Variants in SLC27A2 observed in about 807,000 individuals in gnomAD.
The protein encoded by SLC27A2 is long-chain fatty acid transport protein 2.
SLC27A2 carries 54 observed loss-of-function variants against 60.0 expected under a neutral mutation model. That is an observed-to-expected ratio of 0.90 (90% CI 0.72 to 1.13). SLC27A2 has a LOEUF of 1.13. Ranked by LOEUF, SLC27A2 falls within the 50% of genes most tolerant of loss-of-function variation. The pLI is 0.00. For synonymous variants in SLC27A2, 297 were observed against 297.6 expected (o/e 1.00, Z 0.02); for missense variants, 739 against 777.6 (o/e 0.95, Z 0.59).
chr15:50,198,385 T>C (rs1447610718), intron 2 of SLC27A2: 1 of 151,996 alleles, frequency 6.6e-6, no homozygotes, highest in Admixed American at 6.6e-5. Context: ...CAACATTTGT[T>C]GATAAGATTC....
intron 4 of SLC27A2, among the ~76,000 whole-genome samples, chr15:50,217,829 G>A (rs1428511783): frequency 1.3e-5 from 2 of 152,112 alleles, no homozygotes; most frequent in Non-Finnish European, 2.9e-5. Context: ...GCTGAGGTGG[G>A]CGGATCACAA....
intron 1 of SLC27A2, 113 bp downstream of exon 1, chr15:50,183,018 G>C: frequency 9.1e-7 from 1 of 1,098,252 alleles, no homozygotes; most frequent in Non-Finnish European, 1.3e-6. Flanking sequence ...GGAACTGTAG[G>C]TATAGAAAAA....
At position 50,229,122 on chromosome 15, in the gene SLC27A2, C is replaced by T. The variant is rs952607098; in HGVS notation, c.1555+80C>T. ...GGCCTCAAGGCGAAGTTTGTCATTG[C>T]TTTCTCCCGCCATCCAGAGTTAAAC... On this transcript the variant is annotated intron_variant, in intron 8 of 9. Transcript: ENST00000267842. 7 of 857,700 alleles carry T rather than the reference C, an allele frequency of 8.2e-6. No homozygotes were observed. The African/African-American group carries it at 1.0e-4, about 12-fold the overall frequency. 53.1% of individuals were successfully genotyped at this position (857,700 alleles called of 1,614,324 possible).
chr15:50,215,467 A>G (rs369733444), intron 4 of SLC27A2, among the ~76,000 whole-genome samples: 5 of 152,306 alleles, frequency 3.3e-5, no homozygotes, highest in Admixed American at 2.6e-4. Flanking sequence ...AGAAAATTCT[A>G]AAATTCATAT....
chr15:50,230,882 G>A (rs1354846040), intron 8 of SLC27A2, among the ~76,000 whole-genome samples: 1 of 152,178 alleles, frequency 6.6e-6, no homozygotes, highest in Non-Finnish European at 1.5e-5. Context: ...CTAGCCTAGT[G>A]TTCCTCAAAG....
At chr15:50,205,180 T>A in intron 3 of SLC27A2, 59 bp from the exon 4 acceptor site, 1 of 1,558,416 alleles carries the variant, frequency 6.4e-7, no homozygotes, top group Non-Finnish European at 8.7e-7. Context: ...AAATTAAACA[T>A]AACTGGGAGA....
intron 4 of SLC27A2, among the ~76,000 whole-genome samples, chr15:50,215,694 A>G (rs2045190106): frequency 1.3e-5 from 2 of 152,176 alleles, no homozygotes; most frequent in Admixed American, 6.5e-5. Context: ...TGACAAAGTA[A>G]ACAAAATCAT....
chr15:50,205,398 T>C (rs367930653), intron 4 of SLC27A2, 35 bp downstream of exon 4: 173 of 1,575,884 alleles, frequency 1.1e-4, no homozygotes, highest in Non-Finnish European at 1.4e-4. Flanking sequence ...CATTTTGAAA[T>C]GGGTAAGATG....
intron 1 of SLC27A2, among the ~76,000 whole-genome samples, chr15:50,191,522 A>G (rs983707830): frequency 2.0e-5 from 3 of 152,138 alleles, no homozygotes; most frequent in African/African-American, 7.2e-5. Context: ...GGATTAGAGG[A>G]TCTGCTGAGG....
intron 4 of SLC27A2, among the ~76,000 whole-genome samples, chr15:50,218,299 T>A (rs1376950037): frequency 1.3e-5 from 2 of 151,954 alleles, no homozygotes; most frequent in Non-Finnish European, 2.9e-5. Context: ...TTGATGGTCA[T>A]AAAGGGAGAG....
chr15:50,194,432 G>A (rs2044998104), intron 1 of SLC27A2, among the ~76,000 whole-genome samples: 1 of 152,136 alleles, frequency 6.6e-6, no homozygotes, highest in African/African-American at 2.4e-5. Context: ...AGAGGAAAGA[G>A]GGCAAGAGGT....
At chr15:50,221,346 C>T (rs1382734997) in intron 4 of SLC27A2, among the ~76,000 whole-genome samples, 1 of 152,150 alleles carries the variant, frequency 6.6e-6, no homozygotes, top group Non-Finnish European at 1.5e-5. Flanking sequence ...TCTCTTGACA[C>T]ATTTCCTCCT....
rs2045353110 is a variant in SLC27A2 at position 50,236,360 on chromosome 15, T to G, written c.*264T>G. 6.3e-6 allele frequency: 2 copies of G among 316,298 alleles called. No homozygotes were observed. The highest frequency in any genetic ancestry group is 4.8e-5 in the Admixed American group (1 of 21,036). 19.6% of individuals were successfully genotyped at this position (316,298 alleles called of 1,614,324 possible). A position where few individuals can be genotyped will look rare whatever the true frequency, so the allele number is the denominator to read the frequency against. ...AGGCATTATTTTTTAAAATACTTAG[T>G]AAATTAAATGAACACCAACATGTGA... is the stretch of plus-strand genomic sequence containing the variant. On this transcript the variant is annotated 3_prime_UTR_variant, in exon 10 of 10. Coordinates refer to ENST00000267842, the MANE Select transcript of SLC27A2 (RefSeq NM_003645.4).
chr15:50,232,084 T>C (rs1183655833), intron 8 of SLC27A2, among the ~76,000 whole-genome samples: 1 of 152,188 alleles, frequency 6.6e-6, no homozygotes, highest in East Asian at 1.9e-4. Flanking sequence ...TGGCCCCCCA[T>C]CCACAGAGGC....
At chr15:50,222,020 AAAAT>A (rs2045246073) in intron 4 of SLC27A2, 1 of 152,256 alleles carries the variant, frequency 6.6e-6, no homozygotes, top group Admixed American at 6.5e-5. Flanking sequence ...ATAATAAAAT[AAAAT>A]AAATAAAACC....
intron 1 of SLC27A2, 117 bp from the exon 2 acceptor site, chr15:50,197,383 C>A: frequency 1.5e-6 from 1 of 662,684 alleles, no homozygotes; most frequent in Non-Finnish European, 2.6e-6. Flanking sequence ...ATTTGTCATG[C>A]CCACACATTT....
chr15:50,216,727 C>A (rs1352554298), intron 4 of SLC27A2, among the ~76,000 whole-genome samples: 2 of 138,196 alleles, frequency 1.4e-5, no homozygotes, highest in Middle Eastern at 3.9e-3. Context: ...TTTGGCTATG[C>A]GGGCTCTTTT....
In SLC27A2 at chr15:50,199,560, G is replaced by A. The variant is rs560244807; in HGVS notation, c.688+1851G>A. Among the ~76,000 whole-genome samples, 46 of 151,758 alleles carry A rather than the reference G, an allele frequency of 3.0e-4. 1 individual carries two copies. In the South Asian group the frequency reaches 9.0e-3, roughly 30 times the overall value. On this transcript the variant is annotated intron_variant, in intron 2 of 9. Transcript: ENST00000267842. ...AATGAGCATCCTCTGATTTAATCTCGTAAGTCAGAATTTATATTTAATTGG... is the reference window on the plus strand; with the variant it reads ...AATGAGCATCCTCTGATTTAATCTCATAAGTCAGAATTTATATTTAATTGG...
chr15:50,225,198 G>A (rs777057561), intron 5 of SLC27A2, among the ~76,000 whole-genome samples: 1 of 151,952 alleles, frequency 6.6e-6, no homozygotes, highest in Admixed American at 6.6e-5. Context: ...ACATAGACTT[G>A]AATATAAATT....
Sources: allele counts gnomAD v4.1 joint callset (sites outside exome capture counted in the v4.1 genomes callset), GRCh38; gene constraint gnomAD v4.1.1; transcripts MANE v1.5; gene names NCBI Gene and HGNC (gene_info 2026-07-23, HGNC 2026-07-21).